The following DCLK2 variants were observed in gnomAD, a reference collection of about 807,000 sequenced individuals.
DCLK2 encodes the protein doublecortin like kinase 2, also known as serine/threonine-protein kinase DCLK2.
In DCLK2, 31 loss-of-function variants were observed where a neutral mutation model predicts 78.4. The ratio of observed to expected loss-of-function variants is 0.40; its 90% CI spans 0.30 to 0.53. DCLK2 has a LOEUF of 0.53. Ranked by LOEUF, DCLK2 falls within the 20% of genes least tolerant of loss-of-function variation. The pLI is 0.61. For synonymous variants in DCLK2, 407 were observed against 374.9 expected, an observed-to-expected ratio of 1.09 and a Z score of -0.99; for missense variants, 872 against 973.7, an observed-to-expected ratio of 0.90 and a Z score of 1.39.
At chr4:150,180,193 G>T (rs10033999) in intron 2 of DCLK2, among the ~76,000 whole-genome samples, 4 of 152,162 alleles carry the variant, frequency 2.6e-5, no homozygotes, top group African/African-American at 9.6e-5. Context: ...GTAAATCTCA[G>T]CTCCTCCCTT....
chr4:150,166,311 G>A (rs562056012), intron 2 of DCLK2, among the ~76,000 whole-genome samples: 6 of 151,566 alleles, frequency 4.0e-5, no homozygotes, highest in East Asian at 1.9e-4. Context: ...GCAACATAGC[G>A]GGACCCCATC....
chr4:150,156,304 GCAGGGAGGA>G (rs1186598574), intron 2 of DCLK2, among the ~76,000 whole-genome samples: 6 of 152,140 alleles, frequency 3.9e-5, no homozygotes, highest in Middle Eastern at 6.8e-3. Flanking sequence ...AGACCTCACT[GCAGGGAGGA>G]CACACTGACC....
chr4:150,110,680 G>C (rs1731620592), intron 2 of DCLK2, among the ~76,000 whole-genome samples: 1 of 151,944 alleles, frequency 6.6e-6, no homozygotes, highest in Non-Finnish European at 1.5e-5. Context: ...TTACCATCCT[G>C]TATGCCTTTG....
chr4:150,128,020 C>T (rs556626900), intron 2 of DCLK2, among the ~76,000 whole-genome samples: 2 of 151,766 alleles, frequency 1.3e-5, no homozygotes, highest in East Asian at 1.9e-4. Context: ...TCTAGAAATT[C>T]GATGACTGCG....
chr4:150,122,083 T>C (rs1732589702), intron 2 of DCLK2, among the ~76,000 whole-genome samples: 1 of 152,218 alleles, frequency 6.6e-6, no homozygotes, highest in African/African-American at 2.4e-5. Context: ...TGGGGAATGG[T>C]AAATGAGCAT....
chr4:150,218,721 C>T (rs975833951), intron 5 of DCLK2, among the ~76,000 whole-genome samples: 4 of 152,292 alleles, frequency 2.6e-5, no homozygotes, highest in Non-Finnish European at 4.4e-5. Context: ...TGTGGGGCTG[C>T]GTTGCCCTGG....
At chr4:150,175,460 T>A (rs1226057062) in intron 2 of DCLK2, 1 of 151,842 alleles carries the variant, frequency 6.6e-6, no homozygotes, top group Non-Finnish European at 1.5e-5. Flanking sequence ...CTCCTGTGGC[T>A]GGAGGGGAAT....
At chr4:150,102,194 G>A (rs1288715988) in intron 1 of DCLK2, among the ~76,000 whole-genome samples, 2 of 152,146 alleles carry the variant, frequency 1.3e-5, no homozygotes, top group African/African-American at 4.8e-5. Flanking sequence ...ATGATACTGA[G>A]GACCAAAATG....
chr4:150,134,699 A>G (rs1014259446), intron 2 of DCLK2, among the ~76,000 whole-genome samples: 2 of 152,126 alleles, frequency 1.3e-5, no homozygotes, highest in African/African-American at 4.8e-5. Flanking sequence ...TTTTAAAAAT[A>G]TTTTTTAAAA....
rs1744533450 is a variant in DCLK2, at chr4:150,256,057, G to T, written c.2111G>T (p.Ser704Ile). ...GATAAGGAGGGGCAGATTTTCTGCA[G>T]CAAGCACTGTCAAGACAGCGGCAGG... ...ALDKEGQIFC[S>I]KHCQDSGRPG... Residue 704 changes from serine (S) to isoleucine (I), a missense_variant, in exon 16 of 16, where the codon AGC (serine) becomes ATC (isoleucine). Around this residue, in one of 3 missense-constraint regions of DCLK2, gnomAD observed 219 missense variants for 230.1 expected, o/e 0.95. Coordinates refer to ENST00000296550, the MANE Select transcript of DCLK2 (RefSeq NM_001040260.4). 4 of 1,613,020 alleles carry T rather than the reference G, an allele frequency of 2.5e-6. No individual in the cohort carries two copies. The highest frequency in any genetic ancestry group is 2.5e-6 in the Non-Finnish European group (3 of 1,179,884).
intron 4 of DCLK2, among the ~76,000 whole-genome samples, chr4:150,201,758 G>T (rs1475678106): frequency 6.6e-6 from 1 of 151,968 alleles, no homozygotes; most frequent in Non-Finnish European, 1.5e-5. Flanking sequence ...TTACTGATTA[G>T]GAGCAGGTGA....
intron 2 of DCLK2, among the ~76,000 whole-genome samples, chr4:150,123,946 G>A (rs1479024398): frequency 6.6e-6 from 1 of 151,996 alleles, no homozygotes; most frequent in African/African-American, 2.4e-5. Context: ...TGGCTGAGGT[G>A]GGAGGATCGT....
chr4:150,153,388 G>C (rs1470006737), intron 2 of DCLK2, among the ~76,000 whole-genome samples: 1 of 151,864 alleles, frequency 6.6e-6, no homozygotes, highest in African/African-American at 2.4e-5. Context: ...ATCCCTATTT[G>C]TGCACTGTCC....
intron 8 of DCLK2, among the ~76,000 whole-genome samples, chr4:150,226,559 G>C (rs1741634708): frequency 6.6e-6 from 1 of 151,826 alleles, no homozygotes; most frequent in African/African-American, 2.4e-5. Flanking sequence ...GTAAGGATAT[G>C]GTTTACGTGA....
chr4:150,240,054 G>GGGTAAGAAAGGT (rs1742800757), intron 11 of DCLK2, among the ~76,000 whole-genome samples, 179 bp downstream of exon 11: 1 of 62,922 alleles, frequency 1.6e-5, no homozygotes, highest in African/African-American at 5.1e-5. Flanking sequence ...TGTATACAGT[G>GGGTAAGAAAGGT]CCTCCTGTGA....
chr4:150,173,775 G>A (rs1736728506), intron 2 of DCLK2, among the ~76,000 whole-genome samples: 1 of 152,148 alleles, frequency 6.6e-6, no homozygotes, highest in Non-Finnish European at 1.5e-5. Flanking sequence ...TTTAATAGGA[G>A]TGCTGCTCCT....
At chr4:150,214,709 C>G (rs917126394) in intron 5 of DCLK2, among the ~76,000 whole-genome samples, 43 of 152,070 alleles carry the variant, frequency 2.8e-4, no homozygotes, top group Admixed American at 1.1e-3. Flanking sequence ...CACCTGTAAA[C>G]TCAGCACTTT....
intron 2 of DCLK2, among the ~76,000 whole-genome samples, chr4:150,132,490 A>G (rs1406980541): frequency 2.6e-5 from 4 of 152,236 alleles, no homozygotes; most frequent in African/African-American, 7.2e-5. Flanking sequence ...CTCACTATTC[A>G]TGGTAGTTGT....
intron 2 of DCLK2, among the ~76,000 whole-genome samples, chr4:150,103,858 T>A (rs1731050126): frequency 6.7e-6 from 1 of 148,282 alleles, no homozygotes; most frequent in East Asian, 1.9e-4. Flanking sequence ...TCTAATTAAT[T>A]AATAAGGTAT....
Sources: allele counts gnomAD v4.1 joint callset (sites outside exome capture counted in the v4.1 genomes callset), GRCh38; gene constraint gnomAD v4.1.1; regional missense constraint gnomAD v4.1.1; transcripts MANE v1.5; gene names NCBI Gene and HGNC (gene_info 2026-07-23, HGNC 2026-07-21).